The following FER variants were observed in gnomAD, a reference collection of about 807,000 sequenced individuals.
The protein encoded by FER is tyrosine-protein kinase Fer.
Under a neutral mutation model 111.0 loss-of-function variants are expected in FER, and 63 were observed. The observed-to-expected ratio is 0.57, with a 90% CI of 0.46 to 0.70. The LOEUF (loss-of-function observed/expected upper bound fraction) is 0.70, where lower values mean the gene tolerates loss of function less well. Among genes scored for constraint, FER ranks in the 30% least tolerant of loss-of-function variants. The pLI is 0.00. For missense variants in FER, 914 were observed against 954.0 expected (o/e 0.96, Z 0.55); for synonymous variants, 327 against 313.9 (o/e 1.04, Z -0.44).
intron 3 of FER, among the ~76,000 whole-genome samples, chr5:108,811,739 C>G (rs190939864): frequency 2.6e-5 from 4 of 152,068 alleles, no homozygotes; most frequent in African/African-American, 7.2e-5. Context: ...TCTAAAGGCC[C>G]GAGAACCAGA....
intron 5 of FER, among the ~76,000 whole-genome samples, chr5:108,862,960 G>C (rs989325615): frequency 9.2e-5 from 14 of 152,060 alleles, no homozygotes; most frequent in Non-Finnish European, 2.9e-5. Flanking sequence ...TTAGCTTCTA[G>C]CCAAAATATT....
chr5:108,845,012 A>ATG (rs1561502718), intron 5 of FER, among the ~76,000 whole-genome samples: 15 of 34,910 alleles, frequency 4.3e-4, no homozygotes, highest in Admixed American at 7.4e-4. Flanking sequence ...ATATATATAT[A>ATG]TATATATATA....
chr5:109,091,639 C>T (rs1746774947), intron 16 of FER, among the ~76,000 whole-genome samples: 1 of 152,178 alleles, frequency 6.6e-6, no homozygotes, highest in South Asian at 2.1e-4. Flanking sequence ...CACCCAGCCT[C>T]AACCCTTGAG....
At chr5:109,131,127 T>C (rs1752313446) in intron 17 of FER, among the ~76,000 whole-genome samples, 1 of 152,182 alleles carries the variant, frequency 6.6e-6, no homozygotes, top group African/African-American at 2.4e-5. Context: ...AGAACTTTTT[T>C]CTGGTAAATC....
intron 2 of FER, among the ~76,000 whole-genome samples, chr5:108,794,373 A>G (rs1002554452): frequency 5.9e-5 from 9 of 151,636 alleles, no homozygotes; most frequent in Non-Finnish European, 1.0e-4. Context: ...GCCCGCCTCC[A>G]CGCCCAGCTA....
chr5:109,055,334 G>C (rs1561835255), intron 16 of FER, among the ~76,000 whole-genome samples: 2 of 152,142 alleles, frequency 1.3e-5, no homozygotes, highest in Admixed American at 6.5e-5. Context: ...AAACTGAAAA[G>C]CTTCTGCACA....
chr5:109,149,037 C>G (rs1392086737), intron 17 of FER, among the ~76,000 whole-genome samples: 1 of 152,034 alleles, frequency 6.6e-6, no homozygotes, highest in Non-Finnish European at 1.5e-5. Flanking sequence ...ATCAGGGTCT[C>G]TAAAAGGTCC....
rs375685208 is a variant in FER, at chr5:109,008,972, A to AAAC, written c.1657-28429_1657-28427dup. 3.2e-3 allele frequency among the ~76,000 whole-genome samples: 488 copies of AAAC among 151,770 alleles called. 2 individuals are homozygous for AAAC. Among genetic ancestry groups the AAAC allele is most frequent in the Admixed American group, 7.6e-3 (116 of 15,242 alleles). On this transcript the variant is annotated intron_variant, in intron 13 of 19. Coordinates refer to ENST00000281092, the MANE Select transcript of FER (RefSeq NM_005246.4). Reference sequence around the variant, plus strand: ...GCAACAAGAGCGAAACTCCATCTCAAAACAACAACAACAACAACAACAAAA... The same window carrying AAAC: ...GCAACAAGAGCGAAACTCCATCTCAAAACAACAACAACAACAACAACAACAAAA...
intron 10 of FER, among the ~76,000 whole-genome samples, chr5:108,919,018 A>G (rs1332170974): frequency 6.6e-6 from 1 of 152,254 alleles, no homozygotes. Context: ...TTTTAAAACA[A>G]TTAGATAATT....
chr5:108,909,519 C>G (rs551180976), intron 10 of FER, among the ~76,000 whole-genome samples: 19 of 152,256 alleles, frequency 1.2e-4, no homozygotes, highest in African/African-American at 4.1e-4. Flanking sequence ...AGAAACAACT[C>G]ATTCCAAAGT....
chr5:108,871,612 A>C (rs960140610), intron 7 of FER, 110 bp downstream of exon 7: 2 of 720,914 alleles, frequency 2.8e-6, no homozygotes, highest in Non-Finnish European at 4.1e-6. Flanking sequence ...ATTAAGACAT[A>C]GAATATTTCA....
intron 17 of FER, among the ~76,000 whole-genome samples, chr5:109,153,153 C>T (rs1755029954): frequency 6.6e-6 from 1 of 151,296 alleles, no homozygotes; most frequent in African/African-American, 2.4e-5. Flanking sequence ...GAGAAAATTT[C>T]ATTATACCAT....
intron 3 of FER, among the ~76,000 whole-genome samples, chr5:108,809,163 T>C (rs1757494928): frequency 6.6e-6 from 1 of 152,246 alleles, no homozygotes; most frequent in Non-Finnish European, 1.5e-5. Flanking sequence ...AAACTTTTTT[T>C]GTATTATTCC....
intron 13 of FER, among the ~76,000 whole-genome samples, chr5:109,011,966 C>T (rs958630850): frequency 1.3e-5 from 2 of 152,184 alleles, no homozygotes; most frequent in Non-Finnish European, 2.9e-5. Flanking sequence ...GTTTTCTTTA[C>T]CTGGAGTATT....
At chr5:109,025,432 G>T (rs2149841862) in intron 13 of FER, among the ~76,000 whole-genome samples, 2 of 152,112 alleles carry the variant, frequency 1.3e-5, no homozygotes, top group South Asian at 4.2e-4. Flanking sequence ...GTCTGTTGTT[G>T]GTGTATAAGA....
At chr5:109,024,141 A>C (rs1218342928) in intron 13 of FER, among the ~76,000 whole-genome samples, 1 of 152,170 alleles carries the variant, frequency 6.6e-6, no homozygotes, top group Non-Finnish European at 1.5e-5. Flanking sequence ...TTCGCTCCAT[A>C]GCCTAGTCTC....
intron 13 of FER, among the ~76,000 whole-genome samples, chr5:109,005,080 A>G (rs186086908): frequency 3.7e-4 from 57 of 152,242 alleles, no homozygotes; most frequent in Non-Finnish European, 6.6e-4. Context: ...AGGCAGAAAT[A>G]GTTACCAGAA....
At chr5:109,070,988 G>A (rs971045186) in intron 16 of FER, among the ~76,000 whole-genome samples, 1 of 151,952 alleles carries the variant, frequency 6.6e-6, no homozygotes, top group Non-Finnish European at 1.5e-5. Flanking sequence ...CTTTGCTGTG[G>A]ATAATATATA....
intron 16 of FER, among the ~76,000 whole-genome samples, chr5:109,096,462 G>C (rs777293248): frequency 6.6e-6 from 1 of 151,840 alleles, no homozygotes; most frequent in Non-Finnish European, 1.5e-5. Context: ...TGGCTCAGGC[G>C]TGTCACCAAT....
Sources: gnomAD v4.1 joint callset for allele counts (sites outside exome capture counted in the v4.1 genomes callset) on GRCh38, gnomAD v4.1.1 for gene constraint, MANE v1.5 for transcripts, NCBI Gene and HGNC (gene_info 2026-07-23, HGNC 2026-07-21) for gene names.